The following CCDC18 variants were observed in gnomAD, a reference collection of about 807,000 sequenced individuals.
CCDC18 encodes the protein coiled-coil domain containing 18.
CCDC18 carries 157 observed loss-of-function variants against 196.0 expected under a neutral mutation model. That is an observed-to-expected ratio of 0.80 (90% CI 0.70 to 0.91). The LOEUF is 0.91. CCDC18 is among the 40% of genes least tolerant of loss of function. The pLI is 0.00. For synonymous variants in CCDC18, 482 were observed against 529.2 expected (o/e 0.91, Z 1.22); for missense variants, 1,465 against 1,611.6 (o/e 0.91, Z 1.56).
chr1:93,228,666 A>G (rs1418867867), intron 17 of CCDC18, among the ~76,000 whole-genome samples: 1 of 138,344 alleles, frequency 7.2e-6, no homozygotes, highest in Non-Finnish European at 1.5e-5. Flanking sequence ...GATTTTTAAA[A>G]ATAGGAATGT....
chr1:93,218,131 T>A (rs1181363196), intron 14 of CCDC18, among the ~76,000 whole-genome samples: 1 of 152,178 alleles, frequency 6.6e-6, no homozygotes, highest in East Asian at 1.9e-4. Flanking sequence ...AAAATATCAG[T>A]TGCTTGAAGA....
At chr1:93,256,667 A>G in intron 25 of CCDC18, 129 bp downstream of exon 25, 1 of 720,828 alleles carries the variant, frequency 1.4e-6, no homozygotes, top group Non-Finnish European at 2.3e-6. Flanking sequence ...ACTTAATCCC[A>G]CCGAATTATA....
chr1:93,181,310 T>A (rs1008050173), intron 1 of CCDC18, among the ~76,000 whole-genome samples: 1 of 145,980 alleles, frequency 6.9e-6, no homozygotes, highest in African/African-American at 2.5e-5. Flanking sequence ...ATGAGGAATC[T>A]TTTTCGACTA....
chr1:93,226,620 G>C (rs1430613576), intron 17 of CCDC18, among the ~76,000 whole-genome samples, 171 bp downstream of exon 17: 1 of 151,808 alleles, frequency 6.6e-6, no homozygotes, highest in East Asian at 1.9e-4. Context: ...TTGAACCTCT[G>C]CCTCCTGGGT....
At chr1:93,257,231 CAAAAAA>C (rs71586787) in intron 25 of CCDC18, among the ~76,000 whole-genome samples, 10 of 46,530 alleles carry the variant, frequency 2.1e-4, no homozygotes, top group Middle Eastern at 0.019. Flanking sequence ...GACTCCATCT[CAAAAAA>C]AAAAAAAAAA....
intron 7 of CCDC18, among the ~76,000 whole-genome samples, chr1:93,202,579 C>T (rs1654011152): frequency 6.6e-6 from 1 of 152,134 alleles, no homozygotes; most frequent in African/African-American, 2.4e-5. Context: ...TGGGAGACTT[C>T]CATCTTGAGA....
Position 93,217,878 on chromosome 1 carries a change from T to TA in CCDC18, c.1962+10dup, listed in dbSNP as rs749174293. Reference sequence around the variant, plus strand: ...AAAAGCAGATTGAAAGAGTAAGTAATACATATTTAGAATATGAGTGCTGAA... The same window carrying TA: ...AAAAGCAGATTGAAAGAGTAAGTAATAACATATTTAGAATATGAGTGCTGAA... On this transcript the variant is annotated intron_variant, in intron 14 of 28. Coordinates refer to ENST00000690025, the MANE Select transcript of CCDC18 (RefSeq NM_001378204.1). The TA allele has an allele frequency of 6.3e-7, 1 of 1,597,032 alleles. No individual in the cohort carries two copies. Among genetic ancestry groups the TA allele is most frequent in the South Asian group, 1.1e-5 (1 of 89,994 alleles).
Position 93,193,695 on chromosome 1 carries a change from T to C in CCDC18, c.649T>C (p.Cys217Arg). ...EQSLQESKEE[C>R]IKLKVDLLEQ... is the part of the protein sequence containing the mutation. The stretch of plus-strand genomic sequence containing the variant: ...GAGTTTGCAGGAGTCCAAAGAGGAA[T>C]GTATAAAATTAAAGGTGGACTTACT... The change falls in exon 6 of 29, where the codon TGT becomes CGT. Residue 217 changes from cysteine (C) to arginine (R), a missense_variant. Coordinates refer to ENST00000690025, the MANE Select transcript of CCDC18 (RefSeq NM_001378204.1). 1 of 1,588,058 alleles carries C rather than the reference T, an allele frequency of 6.3e-7. No individual in the cohort carries two copies. The highest frequency in any genetic ancestry group is 1.2e-5 in the South Asian group (1 of 86,416).
chr1:93,218,624 C>G (rs1176488056), intron 14 of CCDC18, among the ~76,000 whole-genome samples: 1 of 152,074 alleles, frequency 6.6e-6, no homozygotes, highest in African/African-American at 2.4e-5. Context: ...ATTCTCCTGC[C>G]TCAGCCTCCT....
At chr1:93,258,416 T>C (rs1169427898) in intron 25 of CCDC18, among the ~76,000 whole-genome samples, 3 of 152,122 alleles carry the variant, frequency 2.0e-5, no homozygotes, top group African/African-American at 4.8e-5. Context: ...ACAATATATA[T>C]AGTGAGCAAA....
At chr1:93,223,396 T>A (rs1277885209) in intron 16 of CCDC18, among the ~76,000 whole-genome samples, 2 of 152,200 alleles carry the variant, frequency 1.3e-5, no homozygotes, top group Non-Finnish European at 2.9e-5. Flanking sequence ...CATAAGTTAT[T>A]TATAGCAGCA....
At chr1:93,207,505 A>G in intron 9 of CCDC18, 107 bp downstream of exon 9, 10 of 773,240 alleles carry the variant, frequency 1.3e-5, no homozygotes, top group South Asian at 2.5e-5. Flanking sequence ...CTTTTTCTCT[A>G]TACTTTTAGT....
intron 28 of CCDC18, among the ~76,000 whole-genome samples, chr1:93,278,168 A>C (rs1392417658): frequency 2.0e-5 from 3 of 151,874 alleles, no homozygotes; most frequent in Non-Finnish European, 2.9e-5. Flanking sequence ...TGTATGTTTT[A>C]GTAGAGACAG....
chr1:93,241,723 C>CAAAAAAA lies in CCDC18; in HGVS notation c.2981+1844_2981+1850dup, dbSNP rs35810581. Among the ~76,000 whole-genome samples, 34 of 59,870 alleles carry CAAAAAAA rather than the reference C, an allele frequency of 5.7e-4. 1 individual carries two copies. The highest frequency in any genetic ancestry group is 1.2e-3 in the African/African-American group (18 of 15,122). The allele number at this position is 59,870 out of a possible 152,430, so 39.3% of individuals were successfully genotyped here. Reference sequence around the variant, plus strand: ...TGAGTGACAGAGTGAGACTCCATCTCAAAAAAAAAAAAAAAAAAAAAAATA... The same window carrying CAAAAAAA: ...TGAGTGACAGAGTGAGACTCCATCTCAAAAAAAAAAAAAAAAAAAAAAAAAAAAAATA... On this transcript the variant is annotated intron_variant, in intron 21 of 28. Transcript: ENST00000690025.
At position 93,258,749 on chromosome 1, in the gene CCDC18, A is replaced by G; in HGVS notation, c.3548A>G (p.Asp1183Gly). The G allele has an allele frequency of 6.5e-7, 1 of 1,539,132 alleles. No individual in the cohort carries two copies. Among genetic ancestry groups the G allele is most frequent in the Non-Finnish European group, 8.7e-7 (1 of 1,146,580 alleles). ...TTTACTCAATATGTCATTTTTAAGG[A>G]TGCTCATGGAAACCATTTAGCTGAA... ...EDMKQLSKEKDAHGNHLAEEL... is the reference protein window; with the variant it reads ...EDMKQLSKEKGAHGNHLAEEL... The change falls in exon 26 of 29, where the codon GAT becomes GGT. Residue 1183 changes from aspartate to glycine, a missense_variant and splice_region_variant. Transcript: ENST00000690025.
intron 23 of CCDC18, among the ~76,000 whole-genome samples, chr1:93,254,091 AAAAC>A (rs1429719521): frequency 6.6e-6 from 1 of 152,204 alleles, no homozygotes; most frequent in Non-Finnish European, 1.5e-5. Flanking sequence ...AGCTAAAACA[AAAAC>A]AAAAAAGTCT....
chr1:93,212,078 TCC>T (rs1202097188), intron 10 of CCDC18, 21 bp from the exon 11 acceptor site: 9 of 1,575,256 alleles, frequency 5.7e-6, no homozygotes, highest in Non-Finnish European at 6.9e-6. Context: ...TAATAATTTT[TCC>T]CTTCTTTTCT....
At chr1:93,212,313 G>GTTT in intron 11 of CCDC18, 52 bp downstream of exon 11, 1 of 1,200,862 alleles carries the variant, frequency 8.3e-7, no homozygotes, top group Non-Finnish European at 1.1e-6. Flanking sequence ...TTGGATGATA[G>GTTT]TTTTTTTTTA....
intron 21 of CCDC18, among the ~76,000 whole-genome samples, chr1:93,243,067 A>G (rs1359618703): frequency 6.6e-6 from 1 of 152,156 alleles, no homozygotes. Context: ...CTCTTCTCAC[A>G]GCTCTACCAG....
Sources: gnomAD v4.1 joint callset for allele counts (sites outside exome capture counted in the v4.1 genomes callset) on GRCh38, gnomAD v4.1.1 for gene constraint, MANE v1.5 for transcripts, NCBI Gene and HGNC (gene_info 2026-07-23, HGNC 2026-07-21) for gene names.